The following DCLK3 variants were observed in gnomAD, a reference collection of about 807,000 sequenced individuals.
DCLK3 encodes doublecortin like kinase 3.
DCLK3 carries 30 observed loss-of-function variants against 46.4 expected under a neutral mutation model. That is an observed-to-expected ratio of 0.65 (90% CI 0.48 to 0.88). The LOEUF (loss-of-function observed/expected upper bound fraction) is 0.88. Ranked by LOEUF, DCLK3 falls within the 40% of genes least tolerant of loss-of-function variation. DCLK3 has a pLI of 0.00. For missense variants in DCLK3, 846 were observed against 907.1 expected (o/e 0.93, Z 0.87); for synonymous variants, 401 against 339.2 (o/e 1.18, Z -2.00).
intron 3 of DCLK3, among the ~76,000 whole-genome samples, chr3:36,721,050 C>T (rs957499241): frequency 6.6e-6 from 1 of 152,124 alleles, no homozygotes; most frequent in Non-Finnish European, 1.5e-5. Context: ...TCATTGGATC[C>T]TTGCATAATA....
In DCLK3 at chr3:36,764,059, C is replaced by T. The variant is rs147493959; in HGVS notation, c.82+123G>A. The stretch of plus-strand genomic sequence containing the variant: ...ACACACAGTCCTCCGTACACCCACG[C>T]GGGGTCTGGCACTGCTGCTACATCC... On this transcript the variant is annotated intron_variant, in intron 1 of 4. Transcript: ENST00000636136. The surrounding 1 kb of genome is among the most constrained non-coding windows in gnomAD (Gnocchi z 4.9). 3 of 211,622 alleles carry T rather than the reference C, an allele frequency of 1.4e-5. No individual in the cohort carries two copies. Among genetic ancestry groups the T allele is most frequent in the Admixed American group, 5.9e-5 (1 of 16,936 alleles). The allele number at this position is 211,622 out of a possible 1,614,324, so 13.1% of individuals were successfully genotyped here.
At position 36,738,061 on chromosome 3, in the gene DCLK3, C is replaced by A; in HGVS notation, c.1106G>T (p.Gly369Val). Residue 369 changes from glycine (G) to valine (V), a missense_variant, in exon 2 of 5, where the codon GGT (glycine) becomes GTT (valine). Physicochemically the swap from Gly to Val is moderately radical, Grantham distance 109 (BLOSUM62 -3). This residue lies in a region of DCLK3 where 553 missense variants were observed against 543.0 expected (regional missense o/e 1.02). Coordinates refer to ENST00000636136, the MANE Select transcript of DCLK3 (RefSeq NM_001394672.2). ...CCTGGGGCTGCTCCTGTGGCTGTCA[C>A]CCTTCCACCCTTCCTCCCCACTTGC... ...NPASGEEGWK[G>V]DSHRSSPRNP... is the part of the protein sequence containing the mutation. 2.5e-6 allele frequency: 4 copies of A among 1,613,760 alleles called. No homozygotes were observed. The highest frequency in any genetic ancestry group is 3.4e-6 in the Non-Finnish European group (4 of 1,179,862).
intron 1 of DCLK3, among the ~76,000 whole-genome samples, chr3:36,749,401 C>T (rs559757732): frequency 4.1e-4 from 63 of 152,302 alleles, no homozygotes; most frequent in African/African-American, 1.5e-3. Flanking sequence ...CTGTGTCATG[C>T]AATACTTTAA....
intron 1 of DCLK3, among the ~76,000 whole-genome samples, chr3:36,756,209 T>C (rs1358948939): frequency 1.3e-5 from 2 of 152,210 alleles, no homozygotes; most frequent in Non-Finnish European, 2.9e-5. Flanking sequence ...TGGGAACCTC[T>C]GGAGAGATTG....
rs1355314892 is a variant in DCLK3 at position 36,737,317 on chromosome 3, T to C, written c.1850A>G (p.Lys617Arg). The change falls in exon 2 of 5, where the codon AAG (lysine) becomes AGG (arginine). Residue 617 changes from lysine to arginine, a missense_variant. Physicochemically the swap from Lys to Arg is conservative, Grantham distance 26. Around this residue, in one of 3 missense-constraint regions of DCLK3, gnomAD observed 247 missense variants for 322.8 expected, o/e 0.77. Transcript: ENST00000636136. The surrounding 1 kb of genome is among the most constrained non-coding windows in gnomAD (Gnocchi z 4.4). The part of the protein sequence containing the change: ...DLFDAIIESV[K>R]FPEPDAALMI... ...GAGGGCAGCATCGGGCTCCGGGAAC[T>C]TCACACTTTCTATGATGGCGTCAAA... is the stretch of plus-strand genomic sequence containing the variant. 2 of 1,614,152 alleles carry C rather than the reference T, an allele frequency of 1.2e-6. No homozygotes were observed. Among genetic ancestry groups the C allele is most frequent in the Non-Finnish European group, 1.7e-6 (2 of 1,180,034 alleles).
chr3:36,751,080 A>AC lies in DCLK3; in HGVS notation c.83-11997_83-11996insG, dbSNP rs1196006912. On this transcript the variant is annotated intron_variant, in intron 1 of 4. Transcript: ENST00000636136. ...GGATGATCTAAAAAAAAAAAAAAAA[A>AC]AAAAAACTCCCCGAAGTGTATTAAG... 1.3e-5 allele frequency among the ~76,000 whole-genome samples: 2 copies of AC among 151,398 alleles called. 1 individual carries two copies. The highest frequency in any genetic ancestry group is 3.0e-5 in the Non-Finnish European group (2 of 67,792).
At chr3:36,762,245 G>C (rs1559396286) in intron 1 of DCLK3, among the ~76,000 whole-genome samples, 1 of 152,106 alleles carries the variant, frequency 6.6e-6, no homozygotes, top group East Asian at 1.9e-4. Flanking sequence ...GTTAGCATGG[G>C]CTACCTATTA....
intron 4 of DCLK3, among the ~76,000 whole-genome samples, chr3:36,716,081 A>T (rs1171263723): frequency 6.6e-6 from 1 of 152,240 alleles, no homozygotes; most frequent in Non-Finnish European, 1.5e-5. Context: ...TCTAAAAAGT[A>T]AATAGTGCAA....
chr3:36,721,573 C>A lies in DCLK3; in HGVS notation c.2046G>T (p.Val682=). The part of the protein sequence containing the change: ...AKHVVRPIFT[V]CGTPTYVAPE... ...GAGCTACGTAAGTTGGGGTCCCACA[C>A]ACAGTAAATATAGGTCTCACCACAT... The change falls in exon 3 of 5, where the codon GTG becomes GTT. Residue 682 remains valine, a synonymous_variant. Coordinates refer to ENST00000636136, the MANE Select transcript of DCLK3 (RefSeq NM_001394672.2). 6.2e-7 allele frequency: 1 copy of A among 1,614,182 alleles called. No homozygotes were observed. The highest frequency in any genetic ancestry group is 8.5e-7 in the Non-Finnish European group (1 of 1,180,022).
rs953511924 is a variant in DCLK3 at position 36,758,822 on chromosome 3, T to A, written c.82+5360A>T. ...ATAGAAAGGAAACTGATGAGAAAAT[T>A]GAGCCATCATAAAACCTTGTGGCAT... On this transcript the variant is annotated intron_variant, in intron 1 of 4. Coordinates refer to ENST00000636136, the MANE Select transcript of DCLK3 (RefSeq NM_001394672.2). Among the ~76,000 whole-genome samples the A allele has an allele frequency of 1.5e-3, 223 of 152,302 alleles. 2 individuals are homozygous for A. The highest frequency in any genetic ancestry group is 5.1e-3 in the African/African-American group (214 of 41,560).
intron 1 of DCLK3, among the ~76,000 whole-genome samples, chr3:36,741,879 C>T (rs1293685293): frequency 6.6e-6 from 1 of 152,134 alleles, no homozygotes; most frequent in Non-Finnish European, 1.5e-5. Context: ...ACCTGGGGAG[C>T]TAAATTCTGA....
At chr3:36,730,702 T>C (rs925961840) in intron 2 of DCLK3, among the ~76,000 whole-genome samples, 2 of 152,040 alleles carry the variant, frequency 1.3e-5, no homozygotes, top group Non-Finnish European at 2.9e-5. Flanking sequence ...CATTGGGCTA[T>C]GCAGATACAG....
In DCLK3 at chr3:36,737,969, C is replaced by A. The variant is rs374177916; in HGVS notation, c.1198G>T (p.Asp400Tyr). The change falls in exon 2 of 5, where the codon GAT becomes TAT. Residue 400 changes from aspartate to tyrosine, a missense_variant. Asp to Tyr is a radical substitution (Grantham distance 160). This residue lies in a region of DCLK3 where 553 missense variants were observed against 543.0 expected (regional missense o/e 1.02). Coordinates refer to ENST00000636136, the MANE Select transcript of DCLK3 (RefSeq NM_001394672.2). The surrounding 1 kb of genome is among the most constrained non-coding windows in gnomAD (Gnocchi z 4.4). ...GCTCCCTGAGCATGGCTTTCTTGAT[C>A]CTCTGGGCCTCTGTCCTCTTTCTTG... Reference protein sequence around the residue: ...MDKKEDRGPEDQESHAQGAAK... With the variant: ...MDKKEDRGPEYQESHAQGAAK... 3.1e-6 allele frequency: 5 copies of A among 1,614,058 alleles called. No individual in the cohort carries two copies. Among genetic ancestry groups the A allele is most frequent in the Non-Finnish European group, 4.2e-6 (5 of 1,180,052 alleles).
rs560852313 is a variant in DCLK3 at position 36,716,121 on chromosome 3, GA to G, written c.2261-601del. 2.3e-4 allele frequency among the ~76,000 whole-genome samples: 35 copies of G among 152,184 alleles called. No homozygotes were observed. The East Asian group carries it at 6.8e-3, about 29-fold the overall frequency. The stretch of plus-strand genomic sequence containing the variant: ...AAAAATAATTTTATTTTCTGCCCAA[GA>G]CCATGACTGATTTTAGAGAAATGAG... On this transcript the variant is annotated intron_variant, in intron 4 of 4. Transcript: ENST00000636136.
chr3:36,763,498 A>AT (rs1316200143), intron 1 of DCLK3, among the ~76,000 whole-genome samples: 1 of 152,178 alleles, frequency 6.6e-6, no homozygotes, highest in African/African-American at 2.4e-5. Flanking sequence ...ACGAGCTCAG[A>AT]TTTTTTTATA....
intron 1 of DCLK3, among the ~76,000 whole-genome samples, chr3:36,748,917 C>A (rs150768221): frequency 6.6e-6 from 1 of 152,142 alleles, no homozygotes; most frequent in Admixed American, 6.5e-5. Context: ...CCAGATGCTG[C>A]CACCCTGTCC....
chr3:36,759,326 A>G (rs1377777860), intron 1 of DCLK3, among the ~76,000 whole-genome samples: 1 of 152,152 alleles, frequency 6.6e-6, no homozygotes, highest in Non-Finnish European at 1.5e-5. Context: ...GGCTGTGGAC[A>G]AAAGCAACAT....
intron 1 of DCLK3, among the ~76,000 whole-genome samples, chr3:36,759,841 T>C (rs1213860001): frequency 6.6e-6 from 1 of 152,166 alleles, no homozygotes; most frequent in African/African-American, 2.4e-5. Flanking sequence ...CTTTCTTAAC[T>C]CTCTTACCTG....
intron 2 of DCLK3, among the ~76,000 whole-genome samples, chr3:36,724,256 A>T (rs148538025): frequency 6.6e-6 from 1 of 152,310 alleles, no homozygotes; most frequent in East Asian, 1.9e-4. Flanking sequence ...TGTATCTAGG[A>T]AGTAACTAAC....
Sources: allele counts gnomAD v4.1 joint callset (sites outside exome capture counted in the v4.1 genomes callset), GRCh38; gene constraint gnomAD v4.1.1; regional missense constraint gnomAD v4.1.1; non-coding constraint Gnocchi (gnomAD v3.1); transcripts MANE v1.5; gene names NCBI Gene and HGNC (gene_info 2026-07-23, HGNC 2026-07-21).